Variants in RBFOX1 observed in about 807,000 individuals in gnomAD.
RBFOX1 encodes RNA binding fox-1 homolog 1, also known as RNA binding protein fox-1 homolog 1.
RBFOX1 carries 8 observed loss-of-function variants against 57.7 expected under a neutral mutation model. The ratio of observed to expected loss-of-function variants is 0.14; its 90% CI spans 0.08 to 0.25. The LOEUF is 0.25. Ranked by LOEUF, RBFOX1 falls within the 10% of genes least tolerant of loss-of-function variation. RBFOX1 has a pLI of 1.00. For missense variants in RBFOX1, 611 were observed against 548.5 expected (o/e 1.11, Z -1.14); for synonymous variants, 326 against 222.4 (o/e 1.47, Z -4.15).
chr16:5,852,604 G>C (rs143614209), intron 3 of RBFOX1, among the ~76,000 whole-genome samples: 232 of 152,266 alleles, frequency 1.5e-3, no homozygotes, highest in African/African-American at 5.4e-3. Context: ...TGAGAGTCCT[G>C]ATCAACCAAT....
chr16:7,257,530 T>C (rs750372816), intron 4 of RBFOX1, among the ~76,000 whole-genome samples: 19 of 152,184 alleles, frequency 1.2e-4, no homozygotes, highest in Non-Finnish European at 2.9e-5. Context: ...GCCCATGCTT[T>C]ATCCAGTAGA....
At chr16:5,365,527 G>A (rs1434373579) in intron 1 of RBFOX1, among the ~76,000 whole-genome samples, 1 of 152,070 alleles carries the variant, frequency 6.6e-6, no homozygotes, top group African/African-American at 2.4e-5. Flanking sequence ...AAATTAGCTG[G>A]GCATGGTGGC....
intron 4 of RBFOX1, among the ~76,000 whole-genome samples, chr16:7,128,827 T>C (rs1341825521): frequency 6.7e-6 from 1 of 149,614 alleles, no homozygotes; most frequent in East Asian, 1.9e-4. Context: ...ACTTTTTTTT[T>C]TTTTTTTTTT....
chr16:7,688,015 T>TAG, intron 14 of RBFOX1, among the ~76,000 whole-genome samples: 2 of 152,052 alleles, frequency 1.3e-5, no homozygotes, highest in Non-Finnish European at 2.9e-5. Flanking sequence ...CAATCCTAGC[T>TAG]GAATATTTAT....
intron 3 of RBFOX1, among the ~76,000 whole-genome samples, chr16:6,767,670 C>G (rs537575822): frequency 1.3e-5 from 2 of 151,930 alleles, no homozygotes; most frequent in Non-Finnish European, 2.9e-5. Context: ...AATCCCAACA[C>G]TTTGGGAGGC....
At chr16:6,846,362 T>C (rs1187288938) in intron 3 of RBFOX1, among the ~76,000 whole-genome samples, 4 of 152,160 alleles carry the variant, frequency 2.6e-5, no homozygotes, top group Non-Finnish European at 4.4e-5. Context: ...GCAGGGTGGC[T>C]TCCCAACAGC....
rs371649591 is a variant in RBFOX1 at position 5,830,752 on chromosome 16, G to A, written c.319-36551G>A. ...TTGCCACCATTGCAGTGTGCCTGCT[G>A]GACCTTGTGCCACCATACCCTGTGG... On this transcript the variant is annotated intron_variant, in intron 3 of 19. Coordinates refer to the RBFOX1 transcript ENST00000641259. Among the ~76,000 whole-genome samples, 27 of 152,268 alleles carry A rather than the reference G, an allele frequency of 1.8e-4. 1 individual carries two copies. The highest frequency in any genetic ancestry group is 1.7e-3 in the East Asian group (9 of 5,178).
intron 3 of RBFOX1, among the ~76,000 whole-genome samples, chr16:6,791,901 T>G (rs1378196963): frequency 1.3e-5 from 2 of 152,198 alleles, no homozygotes; most frequent in Non-Finnish European, 2.9e-5. Context: ...TGTGTTAAGT[T>G]ATCTAACACA....
chr16:7,356,906 G>C lies in RBFOX1; in HGVS notation c.28-161241G>C, dbSNP rs1471873512. Among the ~76,000 whole-genome samples, 4 of 152,278 alleles carry C rather than the reference G, an allele frequency of 2.6e-5. No individual in the cohort carries two copies. The East Asian group carries it at 7.7e-4, about 29-fold the overall frequency. On this transcript the variant is annotated intron_variant, in intron 4 of 15. Transcript: ENST00000550418. Reference sequence around the variant, plus strand: ...AACCAAAGCATGGCAAGAACCTCCAGCAAGGTTGATGCAGGGGAAAGAAGA... The same window carrying C: ...AACCAAAGCATGGCAAGAACCTCCACCAAGGTTGATGCAGGGGAAAGAAGA...
chr16:5,936,921 A>T (rs2059179549), intron 4 of RBFOX1, among the ~76,000 whole-genome samples: 1 of 152,050 alleles, frequency 6.6e-6, no homozygotes. Flanking sequence ...CCTTCATCTC[A>T]AGGGACTGTA....
intron 3 of RBFOX1, among the ~76,000 whole-genome samples, chr16:6,915,789 TGATCTGCCTGC>T (rs1183944287): frequency 6.6e-6 from 1 of 152,114 alleles, no homozygotes; most frequent in East Asian, 1.9e-4. Flanking sequence ...TGTACTCAGG[TGATCTGCCTGC>T]CCTGGCCTCG....
intron 1 of RBFOX1, among the ~76,000 whole-genome samples, chr16:5,403,360 A>AC (rs2066769725): frequency 1.3e-5 from 2 of 149,536 alleles, no homozygotes; most frequent in African/African-American, 5.0e-5. Flanking sequence ...AAAAAAAAAA[A>AC]AAAAAAACAA....
At chr16:5,800,761 G>A (rs577556445) in intron 3 of RBFOX1, among the ~76,000 whole-genome samples, 4 of 152,246 alleles carry the variant, frequency 2.6e-5, no homozygotes, top group East Asian at 3.9e-4. Context: ...TAACAGGGCC[G>A]CTCGGAAACC....
intron 1 of RBFOX1, among the ~76,000 whole-genome samples, chr16:5,416,024 C>T (rs114632217): frequency 0.01 from 1,570 of 152,230 alleles, 38 homozygotes; most frequent in African/African-American, 0.036. Context: ...TTCTCTGGAA[C>T]ATGGTAGAAA....
intron 4 of RBFOX1, among the ~76,000 whole-genome samples, chr16:7,470,431 G>T (rs1422171134): frequency 2.0e-5 from 3 of 152,142 alleles, no homozygotes; most frequent in Non-Finnish European, 4.4e-5. Flanking sequence ...ATAGAGGGAT[G>T]GTTGGATGAA....
At chr16:6,187,248 G>A (rs1180431327) in intron 1 of RBFOX1, among the ~76,000 whole-genome samples, 1 of 152,090 alleles carries the variant, frequency 6.6e-6, no homozygotes, top group Non-Finnish European at 1.5e-5. Context: ...TGCCTTCTAG[G>A]GAAGTGAGTT....
At chr16:7,687,684 C>G (rs1024130833) in intron 14 of RBFOX1, among the ~76,000 whole-genome samples, 4 of 151,940 alleles carry the variant, frequency 2.6e-5, no homozygotes, top group South Asian at 4.2e-4. Context: ...AGGAAGCAAC[C>G]TGGTAAGCAT....
chr16:7,346,288 T>C (rs2097003484), intron 4 of RBFOX1, among the ~76,000 whole-genome samples: 1 of 151,082 alleles, frequency 6.6e-6, no homozygotes, highest in Admixed American at 6.6e-5. Context: ...ACACACACCA[T>C]GATGTGTCAG....
chr16:5,719,539 C>A (rs927168885), intron 3 of RBFOX1, among the ~76,000 whole-genome samples: 2 of 151,912 alleles, frequency 1.3e-5, no homozygotes, highest in Admixed American at 6.6e-5. Context: ...AATAAGCTTC[C>A]CACCCATTAA....
Sources: allele counts gnomAD v4.1 joint callset (sites outside exome capture counted in the v4.1 genomes callset), GRCh38; gene constraint gnomAD v4.1.1; transcripts MANE v1.5; gene names NCBI Gene and HGNC (gene_info 2026-07-23, HGNC 2026-07-21).